The following STK32B variants were observed in gnomAD, a reference collection of about 807,000 sequenced individuals.
STK32B encodes the protein serine/threonine-protein kinase 32B.
Under a neutral mutation model 52.6 loss-of-function variants are expected in STK32B, and 43 were observed. The ratio of observed to expected loss-of-function variants is 0.82; its 90% CI spans 0.64 to 1.05. The LOEUF is 1.05. Among genes scored for constraint, STK32B ranks in the 50% least tolerant of loss-of-function variants. The probability of loss-of-function intolerance (pLI) is 0.00; values close to 1 mark genes in which losing one functional copy is unlikely to be tolerated. For synonymous variants in STK32B, 238 were observed against 204.3 expected (o/e 1.17, Z -1.41); for missense variants, 621 against 534.6 (o/e 1.16, Z -1.59).
chr4:5,416,655 A>G (rs1022240068), intron 5 of STK32B, among the ~76,000 whole-genome samples, 190 bp from the exon 6 acceptor site: 2 of 152,206 alleles, frequency 1.3e-5, no homozygotes, highest in Non-Finnish European at 2.9e-5. Context: ...AATATGCATA[A>G]GTTACCAAAT....
At chr4:5,235,314 A>G (rs1724545804) in intron 3 of STK32B, among the ~76,000 whole-genome samples, 1 of 152,226 alleles carries the variant, frequency 6.6e-6, no homozygotes, top group African/African-American at 2.4e-5. Flanking sequence ...TGTTCTCAGG[A>G]ATACATGATT....
At chr4:5,069,100 G>C (rs1489136793) in intron 1 of STK32B, among the ~76,000 whole-genome samples, 1 of 151,962 alleles carries the variant, frequency 6.6e-6, no homozygotes, top group African/African-American at 2.4e-5. Context: ...CATGGCAGTT[G>C]TACAGATGCA....
chr4:5,319,477 G>A (rs1300436427), intron 3 of STK32B, among the ~76,000 whole-genome samples: 1 of 152,138 alleles, frequency 6.6e-6, no homozygotes, highest in Admixed American at 6.5e-5. Flanking sequence ...GCTTCCCCTT[G>A]TGCAAGAATA....
the STK32B span, among the ~76,000 whole-genome samples, chr4:5,025,330 G>C: frequency 0.018 from 2,750 of 152,174 alleles, 95 homozygotes; most frequent in African/African-American, 0.063. Context: ...ACCCGTCCAG[G>C]GGGGAGGTGG....
intron 4 of STK32B, among the ~76,000 whole-genome samples, chr4:5,382,257 C>T (rs1165423886): frequency 6.6e-6 from 1 of 152,150 alleles, no homozygotes; most frequent in East Asian, 1.9e-4. Flanking sequence ...AGTTAACCAT[C>T]CCGCTGGTGA....
chr4:5,338,570 G>T (rs1473475789), intron 4 of STK32B, among the ~76,000 whole-genome samples: 1 of 151,334 alleles, frequency 6.6e-6, no homozygotes, highest in African/African-American at 2.4e-5. Context: ...AATTCCCTGA[G>T]ACACTAAGTC....
intron 3 of STK32B, among the ~76,000 whole-genome samples, chr4:5,244,373 T>G (rs578188938): frequency 9.7e-4 from 147 of 152,322 alleles, no homozygotes; most frequent in African/African-American, 3.3e-3. Context: ...TAGAGGTGTT[T>G]GTAGTATTCT....
intron 4 of STK32B, among the ~76,000 whole-genome samples, chr4:5,385,155 C>A (rs1340447620): frequency 6.6e-6 from 1 of 152,012 alleles, no homozygotes; most frequent in Non-Finnish European, 1.5e-5. Flanking sequence ...GTGAGGCTTT[C>A]CCTCCTGGCC....
intron 9 of STK32B, among the ~76,000 whole-genome samples, chr4:5,462,127 G>A (rs900503585): frequency 6.6e-6 from 1 of 152,098 alleles, no homozygotes; most frequent in Admixed American, 6.6e-5. Flanking sequence ...ATCTGTGTGT[G>A]CATGCCAGTG....
rs924403814 is a variant in STK32B, at chr4:5,499,859, G to A, written c.*776G>A. 3 of 152,332 alleles carry A rather than the reference G, an allele frequency of 2.0e-5. No homozygotes were observed. The highest frequency in any genetic ancestry group is 4.1e-4 in the South Asian group (2 of 4,822). 9.4% of individuals were successfully genotyped at this position (152,332 alleles called of 1,614,324 possible). On this transcript the variant is annotated 3_prime_UTR_variant, in exon 12 of 12. Transcript: ENST00000282908. Reference sequence around the variant, plus strand: ...GCTGAGCATTGGTTACTCCTGCAGAGTGTAATCAGCACCCCATCCAACTGG... The same window carrying A: ...GCTGAGCATTGGTTACTCCTGCAGAATGTAATCAGCACCCCATCCAACTGG...
intron 3 of STK32B, among the ~76,000 whole-genome samples, chr4:5,240,357 T>A (rs1256855749): frequency 2.5e-4 from 38 of 152,382 alleles, no homozygotes. Context: ...ATTAATCTTT[T>A]GTCAGTTAGA....
At chr4:5,030,887 G>GCA in the STK32B span, among the ~76,000 whole-genome samples, 31 of 151,676 alleles carry the variant, frequency 2.0e-4, no homozygotes, top group African/African-American at 6.5e-4. Context: ...ATAGACACAT[G>GCA]CACACACACA....
chr4:5,493,126 A>G (rs574399700), intron 11 of STK32B, among the ~76,000 whole-genome samples: 1,687 of 151,400 alleles, frequency 0.011, 51 homozygotes, highest in African/African-American at 0.038. Context: ...CTCTTTTTCT[A>G]TTGATTGGAA....
chr4:5,487,404 A>G (rs1719314143), intron 11 of STK32B, among the ~76,000 whole-genome samples: 1 of 152,202 alleles, frequency 6.6e-6, no homozygotes, highest in African/African-American at 2.4e-5. Flanking sequence ...AAATTATAAT[A>G]CAATTATAAT....
chr4:5,327,912 G>C (rs74284716), intron 3 of STK32B, among the ~76,000 whole-genome samples: 6,572 of 152,194 alleles, frequency 0.043, 266 homozygotes, highest in African/African-American at 0.1. Context: ...CTCCTGTTTG[G>C]TGTATTCACC....
At chr4:5,237,982 G>A (rs1317787696) in intron 3 of STK32B, among the ~76,000 whole-genome samples, 1 of 152,098 alleles carries the variant, frequency 6.6e-6, no homozygotes, top group Non-Finnish European at 1.5e-5. Context: ...CTAGATTGTA[G>A]TTTTCTTATT....
chr4:5,479,045 G>A (rs1438738160), intron 11 of STK32B, among the ~76,000 whole-genome samples: 1 of 152,074 alleles, frequency 6.6e-6, no homozygotes, highest in Non-Finnish European at 1.5e-5. Flanking sequence ...GGAGGCAGGA[G>A]ACAGTTAATC....
In STK32B at chr4:5,396,894, C is replaced by T. The variant is rs1195022866; in HGVS notation, c.435-1313C>T. On this transcript the variant is annotated intron_variant, in intron 4 of 11. Coordinates refer to ENST00000282908, the MANE Select transcript of STK32B (RefSeq NM_018401.3). This position sits in a 1 kb window ranked among gnomAD's most constrained non-coding sequence, Gnocchi z 4.7. ...AATTTTATAAGTTCTCAAGTTCATC[C>T]CTCCCATGTGGCTCCCTACGGGTCT... Among the ~76,000 whole-genome samples the T allele has an allele frequency of 1.3e-5, 2 of 152,160 alleles. No homozygotes were observed. The highest frequency in any genetic ancestry group is 1.3e-4 in the Admixed American group (2 of 15,280).
intron 3 of STK32B, among the ~76,000 whole-genome samples, chr4:5,217,040 A>G (rs1415558079): frequency 1.3e-5 from 2 of 152,214 alleles, no homozygotes; most frequent in African/African-American, 4.8e-5. Flanking sequence ...TGCCAGTGAC[A>G]CAGGAAGTGA....
Sources: gnomAD v4.1 joint callset for allele counts (sites outside exome capture counted in the v4.1 genomes callset) on GRCh38, gnomAD v4.1.1 for gene constraint, Gnocchi (gnomAD v3.1) non-coding constraint, MANE v1.5 for transcripts, NCBI Gene and HGNC (gene_info 2026-07-23, HGNC 2026-07-21) for gene names.